The following CYP7B1 variants were observed in gnomAD, a reference collection of about 807,000 sequenced individuals.
CYP7B1 encodes the protein cytochrome P450 7B1.
In CYP7B1, 29 loss-of-function variants were observed where a neutral mutation model predicts 42.7. The ratio of observed to expected loss-of-function variants is 0.68; its 90% CI spans 0.51 to 0.93. The LOEUF is 0.93. CYP7B1 is among the 40% of genes least tolerant of loss of function. CYP7B1 has a pLI of 0.00. For missense variants in CYP7B1, 655 were observed against 600.5 expected (o/e 1.09, Z -0.95); for synonymous variants, 235 against 218.2 (o/e 1.08, Z -0.68).
At chr8:64,651,277 C>T (rs931788093) in intron 1 of CYP7B1, among the ~76,000 whole-genome samples, 2 of 152,216 alleles carry the variant, frequency 1.3e-5, no homozygotes, top group African/African-American at 4.8e-5. Flanking sequence ...TGCAGAACTG[C>T]ATGATACACA....
chr8:64,640,195 T>C (rs1805832637), intron 1 of CYP7B1, among the ~76,000 whole-genome samples: 1 of 152,120 alleles, frequency 6.6e-6, no homozygotes, highest in South Asian at 2.1e-4. Flanking sequence ...CTGATGGAAG[T>C]GTTCTAAACC....
At chr8:64,740,058 A>G (rs1807546095) in intron 1 of CYP7B1, among the ~76,000 whole-genome samples, 1 of 152,130 alleles carries the variant, frequency 6.6e-6, no homozygotes, top group South Asian at 2.1e-4. Context: ...TATAGATTAA[A>G]CAAAACAAAA....
chr8:64,797,028 G>C (rs1804715270), intron 1 of CYP7B1, among the ~76,000 whole-genome samples: 1 of 152,180 alleles, frequency 6.6e-6, no homozygotes, highest in African/African-American at 2.4e-5. Context: ...GTGTCCTATA[G>C]ATTTGGGGCA....
intron 1 of CYP7B1, among the ~76,000 whole-genome samples, chr8:64,629,451 T>G (rs1204933928): frequency 6.6e-6 from 1 of 152,218 alleles, no homozygotes; most frequent in Non-Finnish European, 1.5e-5. Context: ...ATATTTGTAT[T>G]AGGTGACCGA....
intron 1 of CYP7B1, among the ~76,000 whole-genome samples, chr8:64,718,140 A>G (rs992512679): frequency 1.3e-5 from 2 of 152,100 alleles, no homozygotes; most frequent in African/African-American, 4.8e-5. Flanking sequence ...TCAAAGGTCT[A>G]AATAAAGTAT....
At chr8:64,777,719 G>T (rs1316292854) in intron 1 of CYP7B1, among the ~76,000 whole-genome samples, 1 of 151,902 alleles carries the variant, frequency 6.6e-6, no homozygotes, top group African/African-American at 2.4e-5. Flanking sequence ...ATAACCCAAA[G>T]ACTCCATCCA....
intron 5 of CYP7B1, among the ~76,000 whole-genome samples, chr8:64,597,966 T>C (rs1284096179): frequency 1.3e-5 from 2 of 152,222 alleles, no homozygotes; most frequent in African/African-American, 2.4e-5. Flanking sequence ...TTGCAATATG[T>C]GGATAGATTC....
intron 1 of CYP7B1, among the ~76,000 whole-genome samples, chr8:64,787,278 T>C (rs1171848608): frequency 1.3e-5 from 2 of 152,220 alleles, no homozygotes; most frequent in Non-Finnish European, 2.9e-5. Flanking sequence ...CTGCAAACTT[T>C]CCAAACTTTT....
At chr8:64,614,112 A>G (rs1158593815) in intron 4 of CYP7B1, among the ~76,000 whole-genome samples, 1 of 152,198 alleles carries the variant, frequency 6.6e-6, no homozygotes. Context: ...TACAGAGAGA[A>G]TAGAGAATAA....
chr8:64,594,189 T>C lies in CYP7B1; in HGVS notation c.*2453A>G, dbSNP rs1239801255. Among the ~76,000 whole-genome samples, 2 of 152,174 alleles carry C rather than the reference T, an allele frequency of 1.3e-5. No homozygotes were observed. The highest frequency in any genetic ancestry group is 6.5e-5 in the Admixed American group (1 of 15,274). ...ATGGTTAGGCACAGTAGTGTGAGGATAGGTGATGGAAAAGCTTTTAAGTTC... is the reference window on the plus strand; with the variant it reads ...ATGGTTAGGCACAGTAGTGTGAGGACAGGTGATGGAAAAGCTTTTAAGTTC... On this transcript the variant is annotated 3_prime_UTR_variant, in exon 6 of 6. Transcript: ENST00000310193.
chr8:64,685,375 G>A (rs1163556960), intron 1 of CYP7B1, among the ~76,000 whole-genome samples: 1 of 121,350 alleles, frequency 8.2e-6, no homozygotes, highest in African/African-American at 3.2e-5. Flanking sequence ...AGTCTGGAAA[G>A]TGAGGAGCGT....
intron 1 of CYP7B1, among the ~76,000 whole-genome samples, chr8:64,652,905 T>C (rs190385578): frequency 4.5e-4 from 68 of 152,058 alleles, no homozygotes; most frequent in Non-Finnish European, 7.9e-4. Flanking sequence ...CCCTTTTGGG[T>C]AAATAATTAA....
intron 1 of CYP7B1, among the ~76,000 whole-genome samples, chr8:64,628,403 C>T (rs1805639846): frequency 6.6e-6 from 1 of 152,074 alleles, no homozygotes; most frequent in Admixed American, 6.5e-5. Flanking sequence ...AATCCCAACA[C>T]TTTGGGAGGC....
intron 1 of CYP7B1, among the ~76,000 whole-genome samples, chr8:64,783,205 T>C (rs887854838): frequency 3.9e-5 from 6 of 152,192 alleles, no homozygotes; most frequent in African/African-American, 1.4e-4. Flanking sequence ...CCACTAATGA[T>C]GGCAGCCTGG....
intron 1 of CYP7B1, among the ~76,000 whole-genome samples, chr8:64,778,188 T>TAC (rs1412435191): frequency 6.8e-6 from 1 of 146,756 alleles, no homozygotes; most frequent in Non-Finnish European, 1.5e-5. Context: ...TATATATATA[T>TAC]ATATATATAT....
At chr8:64,638,035 C>T (rs1226739753) in intron 1 of CYP7B1, among the ~76,000 whole-genome samples, 2 of 152,030 alleles carry the variant, frequency 1.3e-5, no homozygotes, top group Non-Finnish European at 2.9e-5. Context: ...TTATACTCTC[C>T]GATTATACCT....
chr8:64,739,041 A>G (rs1807531932), intron 1 of CYP7B1, among the ~76,000 whole-genome samples: 1 of 152,196 alleles, frequency 6.6e-6, no homozygotes, highest in Admixed American at 6.5e-5. Context: ...AGAGGGAAAG[A>G]GTATTTGTGA....
chr8:64,642,702 A>G (rs944071554), intron 1 of CYP7B1, among the ~76,000 whole-genome samples: 1 of 152,154 alleles, frequency 6.6e-6, no homozygotes, highest in African/African-American at 2.4e-5. Flanking sequence ...TAGAACATTT[A>G]AAAATTGTTG....
chr8:64,686,690 G>C (rs1430126824), intron 1 of CYP7B1, among the ~76,000 whole-genome samples: 1 of 68,992 alleles, frequency 1.4e-5, no homozygotes, highest in Non-Finnish European at 3.0e-5. Flanking sequence ...ATAGAAAGGC[G>C]GGAAAGGTGG....
Sources: gnomAD v4.1 joint callset for allele counts (sites outside exome capture counted in the v4.1 genomes callset) on GRCh38, gnomAD v4.1.1 for gene constraint, MANE v1.5 for transcripts, NCBI Gene and HGNC (gene_info 2026-07-23, HGNC 2026-07-21) for gene names.